Variants in ANKHD1 observed in about 807,000 individuals in gnomAD.
ANKHD1 encodes the protein ankyrin repeat and KH domain-containing protein 1.
A neutral mutation model predicts 230.5 loss-of-function variants in ANKHD1; 31 were observed. The ratio of observed to expected loss-of-function variants is 0.13; its 90% CI spans 0.10 to 0.18. The LOEUF is 0.18. ANKHD1 is among the 10% of genes least tolerant of loss of function. ANKHD1 has a pLI of 1.00. For synonymous variants in ANKHD1, 1,074 were observed against 1,117.6 expected, an observed-to-expected ratio of 0.96 and a Z score of 0.78; for missense variants, 2,256 against 3,071.3, an observed-to-expected ratio of 0.73 and a Z score of 6.27.
chr5:140,402,828 T>G (rs1392895154), intron 1 of ANKHD1, among the ~76,000 whole-genome samples: 1 of 151,980 alleles, frequency 6.6e-6, no homozygotes, highest in Admixed American at 6.6e-5. Flanking sequence ...ATCACGTGAC[T>G]CCTCCTTCTG....
At chr5:140,519,398 T>TG (rs1753209839) in intron 24 of ANKHD1, among the ~76,000 whole-genome samples, 1 of 152,174 alleles carries the variant, frequency 6.6e-6, no homozygotes, top group South Asian at 2.1e-4. Context: ...AAGCTACCAA[T>TG]GACTTTCTTC....
At position 140,505,166 on chromosome 5, in the gene ANKHD1, T is replaced by C. The variant is rs1752488213; in HGVS notation, c.3195T>C (p.Gly1065=). ...CAGCATTAACACTAGCTTGTGCAGG[T>C]GGTCATGAAGAACTTGTATCTGTGC... ...HDTALTLACA[G]GHEELVSVLI... is the part of the protein sequence containing the mutation. Residue 1065 remains glycine, a synonymous_variant, in exon 17 of 34, where the codon GGT becomes GGC. Coordinates refer to ENST00000360839, the MANE Select transcript of ANKHD1 (RefSeq NM_017747.3). 6.2e-7 allele frequency: 1 copy of C among 1,614,062 alleles called. No individual in the cohort carries two copies. The highest frequency in any genetic ancestry group is 8.5e-7 in the Non-Finnish European group (1 of 1,180,030).
chr5:140,511,503 C>A (rs971933607), intron 22 of ANKHD1, among the ~76,000 whole-genome samples: 1 of 152,270 alleles, frequency 6.6e-6, no homozygotes, highest in Middle Eastern at 3.4e-3. Context: ...TGAAAAAGGT[C>A]CCTCTGTTTC....
intron 14 of ANKHD1, among the ~76,000 whole-genome samples, chr5:140,490,748 A>C (rs1326237848): frequency 6.6e-6 from 1 of 152,178 alleles, no homozygotes; most frequent in Admixed American, 6.6e-5. Flanking sequence ...CAGGATAAAC[A>C]AAACACATCT....
rs1411729958 is a variant in ANKHD1, at chr5:140,496,792, A to T, written c.2518A>T (p.Lys840Ter). 1 of 1,613,946 alleles carries T rather than the reference A, an allele frequency of 6.2e-7. No homozygotes were observed. The highest frequency in any genetic ancestry group is 1.3e-5 in the African/African-American group (1 of 74,912). Residue 840 changes from lysine to a stop codon, truncating the protein, a stop_gained, in exon 15 of 34, where the codon AAA becomes TAA. Transcript: ENST00000360839. LOFTEE classifies it high-confidence loss of function. ...GAAGAAAATATTGAAAGAACTGCAG[A>T]AAGTGGAAAGGCAGTTGCAGATGAA... ...KKKKILKELQ[K>*]VERQLQMKTQ...
At chr5:140,435,579 A>G (rs957267566) in intron 1 of ANKHD1, among the ~76,000 whole-genome samples, 1 of 151,834 alleles carries the variant, frequency 6.6e-6, no homozygotes, top group Non-Finnish European at 1.5e-5. Flanking sequence ...AGGTTTCACC[A>G]TGTTGGCCAG....
chr5:140,513,474 GA>G lies in ANKHD1; in HGVS notation c.4316del (p.Lys1439SerfsTer66). On this transcript the variant is annotated frameshift_variant, in exon 24 of 34. Transcript: ENST00000360839. LOFTEE classifies it high-confidence loss of function. ...ASILLKELDL[E>X]KSREESRKQA... ...TATTCTTTTAAAGGAACTTGATCTG[GA>G]AAAGGTGAGTGGGAAAAATAATTTT... is the stretch of plus-strand genomic sequence containing the variant. 6.2e-7 allele frequency: 1 copy of G among 1,611,148 alleles called. No homozygotes were observed. Among genetic ancestry groups the G allele is most frequent in the African/African-American group, 1.3e-5 (1 of 74,880 alleles).
intron 15 of ANKHD1, among the ~76,000 whole-genome samples, chr5:140,497,877 C>CCACACACACACACACACA (rs36224738): frequency 1.4e-5 from 2 of 144,516 alleles, no homozygotes; most frequent in African/African-American, 5.2e-5. Context: ...CCACACCACA[C>CCACACACACACACACACA]CACACACACA....
At chr5:140,467,705 A>G (rs920225609) in intron 10 of ANKHD1, among the ~76,000 whole-genome samples, 1 of 152,236 alleles carries the variant, frequency 6.6e-6, no homozygotes, top group Non-Finnish European at 1.5e-5. Context: ...TGAAAAAAAT[A>G]TAAAACCTAT....
chr5:140,440,964 C>T (rs757142587), intron 4 of ANKHD1, 31 bp from the exon 5 acceptor site: 3 of 1,512,156 alleles, frequency 2.0e-6, no homozygotes, highest in Non-Finnish European at 2.6e-6. Context: ...TAAGAATTAA[C>T]AATTTCTCTG....
intron 5 of ANKHD1, among the ~76,000 whole-genome samples, chr5:140,441,607 CAG>C (rs1472861412): frequency 6.6e-6 from 1 of 151,604 alleles, no homozygotes; most frequent in Non-Finnish European, 1.5e-5. Flanking sequence ...GTTACCGGGT[CAG>C]GGGTGGGGAG....
intron 24 of ANKHD1, among the ~76,000 whole-genome samples, chr5:140,523,263 T>C (rs555923689): frequency 2.6e-5 from 4 of 151,608 alleles, no homozygotes; most frequent in Non-Finnish European, 5.9e-5. Context: ...TAGGTCACCA[T>C]GCCTGGCTAA....
chr5:140,459,131 C>T, intron 8 of ANKHD1, 33 bp from the exon 9 acceptor site: 1 of 1,466,992 alleles, frequency 6.8e-7, no homozygotes, highest in Non-Finnish European at 9.1e-7. Context: ...AAGTCTCTTG[C>T]AACTAATTTT....
intron 1 of ANKHD1, among the ~76,000 whole-genome samples, chr5:140,402,595 C>T (rs889783982): frequency 6.6e-6 from 1 of 152,188 alleles, no homozygotes; most frequent in Non-Finnish European, 1.5e-5. Context: ...GGGGTCTTGC[C>T]AGAGTCCCTG....
At chr5:140,438,698 CT>C (rs763359520) in intron 3 of ANKHD1, 81 bp downstream of exon 3, 75 of 1,446,422 alleles carry the variant, frequency 5.2e-5, no homozygotes, top group Non-Finnish European at 6.6e-5. Context: ...TTAAATATAT[CT>C]TTTGGTGGAG....
At chr5:140,459,392 C>A in intron 9 of ANKHD1, 37 bp downstream of exon 9, 1 of 1,502,644 alleles carries the variant, frequency 6.7e-7, no homozygotes, top group South Asian at 1.3e-5. Context: ...CTCAGAAAGA[C>A]AAATACAAAT....
At chr5:140,517,436 G>A (rs1257449442) in intron 24 of ANKHD1, among the ~76,000 whole-genome samples, 22 of 151,008 alleles carry the variant, frequency 1.5e-4, no homozygotes, top group Admixed American at 5.3e-4. Context: ...TGCACCAAGC[G>A]GACCTAATAG....
chr5:140,416,886 C>T (rs1771443851), intron 1 of ANKHD1, among the ~76,000 whole-genome samples: 1 of 150,770 alleles, frequency 6.6e-6, no homozygotes, highest in African/African-American at 2.4e-5. Context: ...CAAAAAGTGC[C>T]ATTGAGATTC....
intron 22 of ANKHD1, among the ~76,000 whole-genome samples, chr5:140,512,340 C>T (rs964182705): frequency 6.6e-6 from 1 of 151,896 alleles, no homozygotes; most frequent in African/African-American, 2.4e-5. Context: ...TCCTAAGGCT[C>T]AGAAAGTTGT....
Sources: gnomAD v4.1 joint callset for allele counts (sites outside exome capture counted in the v4.1 genomes callset) on GRCh38, gnomAD v4.1.1 for gene constraint, MANE v1.5 for transcripts, NCBI Gene and HGNC (gene_info 2026-07-23, HGNC 2026-07-21) for gene names.